SLCO1B3: variants seen among roughly 807,000 people sequenced by gnomAD.
The protein encoded by SLCO1B3 is liver-specific organic anion transporter 2.
Under a neutral mutation model 71.8 loss-of-function variants are expected in SLCO1B3, and 72 were observed. That is an observed-to-expected ratio of 1.00 (90% CI 0.83 to 1.22). The LOEUF (loss-of-function observed/expected upper bound fraction) is 1.22, where lower values mean the gene tolerates loss of function less well. Ranked by LOEUF, SLCO1B3 falls within the 50% of genes most tolerant of loss-of-function variation. The probability of loss-of-function intolerance (pLI) is 0.00; values close to 1 mark genes in which losing one functional copy is unlikely to be tolerated. For missense variants in SLCO1B3, 911 were observed against 819.7 expected (o/e 1.11, Z -1.36); for synonymous variants, 298 against 278.4 (o/e 1.07, Z -0.70).
At chr12:20,843,826 C>G (rs1864851572) in intron 3 of SLCO1B3, among the ~76,000 whole-genome samples, 1 of 151,420 alleles carries the variant, frequency 6.6e-6, no homozygotes, top group Non-Finnish European at 1.5e-5. Flanking sequence ...TCCACACTTA[C>G]TGTTTAAAAT....
intron 3 of SLCO1B3, among the ~76,000 whole-genome samples, chr12:20,839,876 T>A (rs1305974673): frequency 6.6e-6 from 1 of 152,186 alleles, no homozygotes; most frequent in Non-Finnish European, 1.5e-5. Context: ...GCTTTTTACT[T>A]CTGCAGATTT....
chr12:20,865,868 G>A (rs7138939), intron 8 of SLCO1B3, among the ~76,000 whole-genome samples: 110,093 of 151,948 alleles, frequency 0.72, 42,476 homozygotes, highest in South Asian at 0.9. Context: ...ATTAAATCAT[G>A]ACTGCATAAA....
At chr12:20,820,561 T>C (rs1487256003) in intron 3 of SLCO1B3, among the ~76,000 whole-genome samples, 4 of 152,174 alleles carry the variant, frequency 2.6e-5, no homozygotes, top group Non-Finnish European at 5.9e-5. Context: ...CTGGGGTTTG[T>C]CTCACAGTGG....
chr12:20,840,820 G>A, intron 3 of SLCO1B3, among the ~76,000 whole-genome samples: 1 of 152,140 alleles, frequency 6.6e-6, no homozygotes. Context: ...AGCTTATGAG[G>A]CTCCAATTAA....
intron 15 of SLCO1B3, among the ~76,000 whole-genome samples, chr12:20,904,743 TGGACATCCAGGC>T (rs1215882513): frequency 1.4e-5 from 2 of 141,494 alleles, no homozygotes; most frequent in Non-Finnish European, 3.0e-5. Context: ...GACTTCTGCC[TGGACATCCAGGC>T]TTTTTTTTTT....
intron 10 of SLCO1B3, among the ~76,000 whole-genome samples, chr12:20,878,661 A>T (rs1299652035): frequency 2.0e-5 from 3 of 152,170 alleles, no homozygotes; most frequent in African/African-American, 4.8e-5. Flanking sequence ...AGGCTTCTGG[A>T]TGATCTCCCT....
chr12:20,824,569 C>T (rs904558583), intron 3 of SLCO1B3, among the ~76,000 whole-genome samples: 9 of 152,156 alleles, frequency 5.9e-5, no homozygotes, highest in African/African-American at 2.2e-4. Context: ...TCTTCTGTGG[C>T]ATACAGCAAT....
intron 13 of SLCO1B3, among the ~76,000 whole-genome samples, chr12:20,888,672 C>T (rs1447562902): frequency 6.6e-6 from 1 of 151,822 alleles, no homozygotes; most frequent in Admixed American, 6.6e-5. Flanking sequence ...CATTTGGAGA[C>T]CTTTTATTCC....
chr12:20,879,284 C>G, intron 10 of SLCO1B3, 152 bp from the exon 11 acceptor site: 1 of 393,166 alleles, frequency 2.5e-6, no homozygotes, highest in Non-Finnish European at 4.5e-6. Context: ...TCTCGGCTCA[C>G]TGCAAGCTCC....
intron 15 of SLCO1B3, among the ~76,000 whole-genome samples, chr12:20,909,057 G>C (rs1430511617): frequency 1.3e-5 from 2 of 151,886 alleles, no homozygotes; most frequent in Admixed American, 6.6e-5. Context: ...CTAATGTCTA[G>C]TGTTCTGGAT....
intron 12 of SLCO1B3, among the ~76,000 whole-genome samples, chr12:20,881,347 G>T (rs1865690564): frequency 6.6e-6 from 1 of 152,096 alleles, no homozygotes; most frequent in Non-Finnish European, 1.5e-5. Context: ...TAAAGCACAT[G>T]ATTTTTATTA....
chr12:20,898,532 C>T, intron 14 of SLCO1B3, 32 bp downstream of exon 14: 1 of 1,092,288 alleles, frequency 9.2e-7, no homozygotes, highest in South Asian at 1.5e-5. Flanking sequence ...TACATTTTAA[C>T]ATATAAATAT....
chr12:20,840,978 A>G (rs1045280602), intron 3 of SLCO1B3, among the ~76,000 whole-genome samples: 4 of 152,232 alleles, frequency 2.6e-5, no homozygotes, highest in Admixed American at 2.0e-4. Context: ...GAGCTCCTGA[A>G]GAGAAAATCA....
At chr12:20,815,898 C>A in intron 3 of SLCO1B3, 76 bp downstream of exon 3, 1 of 748,236 alleles carries the variant, frequency 1.3e-6, no homozygotes, top group South Asian at 2.0e-5. Flanking sequence ...CACTAACTGT[C>A]AAAAAGAACA....
chr12:20,817,833 G>A (rs187284755), intron 3 of SLCO1B3, among the ~76,000 whole-genome samples: 168 of 151,886 alleles, frequency 1.1e-3, no homozygotes, highest in Middle Eastern at 3.4e-3. Context: ...CTCGTGATCC[G>A]CCTGCCTCGG....
chr12:20,863,220 C>T (rs932235860), intron 8 of SLCO1B3, among the ~76,000 whole-genome samples: 13 of 151,016 alleles, frequency 8.6e-5, no homozygotes, highest in African/African-American at 1.7e-4. Flanking sequence ...GTTTGCTTTG[C>T]GAAAGCCTCC....
chr12:20,901,910 C>T, intron 15 of SLCO1B3: 1 of 440,088 alleles, frequency 2.3e-6, no homozygotes, highest in Non-Finnish European at 4.5e-6. Flanking sequence ...GCAGAAGTAT[C>T]CTGCAAGTGA....
chr12:20,816,262 C>T (rs551617211), intron 3 of SLCO1B3, among the ~76,000 whole-genome samples: 2 of 152,252 alleles, frequency 1.3e-5, no homozygotes, highest in South Asian at 4.1e-4. Context: ...ACTATAGTCA[C>T]CCTGTGGGCT....
chr12:20,897,993 AATAAGCTATTCTGTT>A (rs1866049573), intron 13 of SLCO1B3, among the ~76,000 whole-genome samples: 1 of 152,194 alleles, frequency 6.6e-6, no homozygotes, highest in African/African-American at 2.4e-5. Flanking sequence ...GAATCATATT[AATAAGCTATTCTGTT>A]AACATTGATG....
Sources: gnomAD v4.1 joint callset for allele counts (sites outside exome capture counted in the v4.1 genomes callset) on GRCh38, gnomAD v4.1.1 for gene constraint, MANE v1.5 for transcripts, NCBI Gene and HGNC (gene_info 2026-07-23, HGNC 2026-07-21) for gene names.